JAZF1: variants seen among roughly 807,000 people sequenced by gnomAD.
JAZF1 encodes the protein juxtaposed with another zinc finger protein 1.
JAZF1 carries 8 observed loss-of-function variants against 26.4 expected under a neutral mutation model. The observed-to-expected ratio is 0.30, with a 90% confidence interval of 0.18 to 0.55. JAZF1 has a LOEUF of 0.55. JAZF1 is among the 20% of genes least tolerant of loss of function. The pLI is 0.94. For synonymous variants in JAZF1, 126 were observed against 122.3 expected (o/e 1.03, Z -0.20); for missense variants, 199 against 322.0 (o/e 0.62, Z 2.92).
intron 1 of JAZF1, among the ~76,000 whole-genome samples, chr7:28,092,037 T>C (rs1243324453): frequency 6.6e-6 from 1 of 151,898 alleles, no homozygotes; most frequent in Non-Finnish European, 1.5e-5. Context: ...AGGTTTAGAT[T>C]TGGGGAAACT....
At chr7:28,099,203 G>C (rs757346660) in intron 1 of JAZF1, among the ~76,000 whole-genome samples, 14 of 152,074 alleles carry the variant, frequency 9.2e-5, no homozygotes, top group Non-Finnish European at 1.9e-4. Context: ...CCAGTATCTT[G>C]TCTCTTATGA....
At chr7:28,024,153 G>A (rs947546012) in intron 1 of JAZF1, among the ~76,000 whole-genome samples, 3 of 151,926 alleles carry the variant, frequency 2.0e-5, no homozygotes, top group South Asian at 4.2e-4. Flanking sequence ...ATTTAAAAAT[G>A]AATATGGTGG....
chr7:27,913,582 GAGTC>G (rs1481762460), intron 2 of JAZF1: 2 of 229,316 alleles, frequency 8.7e-6, no homozygotes, highest in Non-Finnish European at 1.9e-5. Flanking sequence ...CTTTCACACT[GAGTC>G]AGAGCACACT....
At chr7:27,841,017 A>C in intron 3 of JAZF1, 150 bp from the exon 4 acceptor site, 1 of 697,958 alleles carries the variant, frequency 1.4e-6, no homozygotes, top group Non-Finnish European at 2.4e-6. Context: ...GACTGCAAAC[A>C]CGGCTATTCC....
At chr7:27,849,904 C>T (rs144273091) in intron 3 of JAZF1, among the ~76,000 whole-genome samples, 1,808 of 152,288 alleles carry the variant, frequency 0.012, 24 homozygotes, top group Non-Finnish European at 0.018. Context: ...CCACTCTCCT[C>T]GAACCTCTGC....
At chr7:27,976,295 G>A (rs914576367) in intron 2 of JAZF1, among the ~76,000 whole-genome samples, 1 of 140,206 alleles carries the variant, frequency 7.1e-6, no homozygotes, top group Non-Finnish European at 1.5e-5. Context: ...GCAGTGAGCC[G>A]AGAAGCGCCA....
intron 2 of JAZF1, among the ~76,000 whole-genome samples, chr7:27,913,198 A>T (rs1341602813): frequency 6.7e-6 from 1 of 149,912 alleles, no homozygotes; most frequent in Non-Finnish European, 1.5e-5. Flanking sequence ...AGCATACATT[A>T]AAAAAAAATT....
rs150469136 is a variant in JAZF1 at position 27,879,391 on chromosome 7, C to T, written c.385+15829G>A. ...AAACCCATGACCTCAGACTTATTAA[C>T]ACCATGCTCCTATCACCTGAGCTCC... On this transcript the variant is annotated intron_variant, in intron 3 of 4. Coordinates refer to ENST00000283928, the MANE Select transcript of JAZF1 (RefSeq NM_175061.4). Among the ~76,000 whole-genome samples, 609 of 152,304 alleles carry T rather than the reference C, an allele frequency of 4.0e-3. 4 individuals carry two copies. The highest frequency in any genetic ancestry group is 4.8e-3 in the Non-Finnish European group (329 of 68,018).
rs567578244 is a variant in JAZF1 at position 27,834,385 on chromosome 7, C to G, written c.556-1409G>C. ...GTCCTTGGAAGAGAACTCTGCTGGA[C>G]TTTGTTGAACCCAGGGGTGCCAAGT... On this transcript the variant is annotated intron_variant, in intron 4 of 4. Coordinates refer to ENST00000283928, the MANE Select transcript of JAZF1 (RefSeq NM_175061.4). Among the ~76,000 whole-genome samples, 9 of 152,266 alleles carry G rather than the reference C, an allele frequency of 5.9e-5. No individual in the cohort carries two copies. The South Asian group carries it at 1.9e-3, about 32-fold the overall frequency.
At chr7:28,176,202 C>T (rs1783549158) in intron 1 of JAZF1, among the ~76,000 whole-genome samples, 1 of 152,218 alleles carries the variant, frequency 6.6e-6, no homozygotes, top group Non-Finnish European at 1.5e-5. Context: ...GAGACTCTGC[C>T]CCTTAACTGG....
intron 2 of JAZF1, among the ~76,000 whole-genome samples, chr7:27,977,346 C>G (rs1053719060): frequency 5.3e-5 from 8 of 152,152 alleles, no homozygotes; most frequent in African/African-American, 1.9e-4. Flanking sequence ...TCCCAAGACC[C>G]TTTAACTTGT....
At chr7:28,091,016 CG>C (rs771494021) in intron 1 of JAZF1, among the ~76,000 whole-genome samples, 1 of 150,314 alleles carries the variant, frequency 6.7e-6, no homozygotes, top group Non-Finnish European at 1.5e-5. Flanking sequence ...TTAGTAGAGA[CG>C]GGGTTTCACC....
At chr7:27,969,349 A>C (rs148937331) in intron 2 of JAZF1, among the ~76,000 whole-genome samples, 24 of 152,216 alleles carry the variant, frequency 1.6e-4, no homozygotes, top group African/African-American at 5.5e-4. Context: ...TGCCGGCCCT[A>C]CCAACTGTAA....
intron 3 of JAZF1, among the ~76,000 whole-genome samples, chr7:27,856,569 C>G (rs1005686190): frequency 5.3e-5 from 8 of 152,310 alleles, no homozygotes; most frequent in South Asian, 4.2e-4. Flanking sequence ...TTACAGAGAG[C>G]TGATTGGTCC....
intron 1 of JAZF1, among the ~76,000 whole-genome samples, chr7:28,103,212 G>A (rs890528392): frequency 6.6e-6 from 1 of 151,886 alleles, no homozygotes; most frequent in African/African-American, 2.4e-5. Context: ...TTGTTTTAAT[G>A]CCCACCATTC....
intron 1 of JAZF1, among the ~76,000 whole-genome samples, chr7:28,010,226 A>T (rs528317808): frequency 4.4e-4 from 67 of 152,250 alleles, no homozygotes; most frequent in Middle Eastern, 3.4e-3. Context: ...GGGTGAAAGG[A>T]GAGGGTGGTC....
At chr7:28,026,968 G>A (rs1562563348) in intron 1 of JAZF1, among the ~76,000 whole-genome samples, 1 of 152,220 alleles carries the variant, frequency 6.6e-6, no homozygotes, top group Admixed American at 6.5e-5. Context: ...CTATTCGCCA[G>A]TGTGTCTTTT....
chr7:27,950,382 C>T (rs537789646), intron 2 of JAZF1, among the ~76,000 whole-genome samples: 2 of 152,092 alleles, frequency 1.3e-5, no homozygotes, highest in Non-Finnish European at 2.9e-5. Flanking sequence ...CCCATAGGCA[C>T]GTTTGGATCC....
At chr7:28,108,814 A>G (rs1215228176) in intron 1 of JAZF1, among the ~76,000 whole-genome samples, 2 of 152,254 alleles carry the variant, frequency 1.3e-5, no homozygotes, top group East Asian at 1.9e-4. Flanking sequence ...GTGTCCATCG[A>G]TGGATAAACA....
Sources: allele counts gnomAD v4.1 joint callset (sites outside exome capture counted in the v4.1 genomes callset), GRCh38; gene constraint gnomAD v4.1.1; transcripts MANE v1.5; gene names NCBI Gene and HGNC (gene_info 2026-07-23, HGNC 2026-07-21).